The following PAQR3 variants were observed in gnomAD, a reference collection of about 807,000 sequenced individuals.
PAQR3 encodes the protein Raf kinase trapping to Golgi.
PAQR3 carries 39 observed loss-of-function variants against 41.7 expected under a neutral mutation model. The observed-to-expected ratio is 0.93, with a 90% CI of 0.72 to 1.22. PAQR3 has a LOEUF of 1.22. Ranked by LOEUF, PAQR3 falls within the 50% of genes most tolerant of loss-of-function variation. The pLI is 0.00. For synonymous variants in PAQR3, 140 were observed against 140.6 expected, an observed-to-expected ratio of 1.00 and a Z score of 0.03; for missense variants, 366 against 385.6, an observed-to-expected ratio of 0.95 and a Z score of 0.42.
chr4:78,921,369 T>G (rs1696979095), intron 5 of PAQR3, among the ~76,000 whole-genome samples: 1 of 151,962 alleles, frequency 6.6e-6, no homozygotes, highest in South Asian at 2.1e-4. Context: ...ATAATTTCAA[T>G]GTAAATAACA....
chr4:78,897,944 A>G (rs1733789924), intron 11 of PAQR3, among the ~76,000 whole-genome samples: 1 of 152,188 alleles, frequency 6.6e-6, no homozygotes, highest in South Asian at 2.1e-4. Flanking sequence ...ACAATAGATA[A>G]ATTATTCTGT....
chr4:78,925,679 A>T (rs973233305), intron 4 of PAQR3, among the ~76,000 whole-genome samples: 8 of 152,108 alleles, frequency 5.3e-5, no homozygotes, highest in African/African-American at 1.9e-4. Context: ...CCCCCTTTAA[A>T]GTCACACATT....
intron 2 of PAQR3, 149 bp downstream of exon 2, chr4:78,934,972 G>A (rs1202835478): frequency 7.8e-6 from 5 of 644,614 alleles, no homozygotes; most frequent in African/African-American, 7.2e-5. Context: ...ACATCGTTTG[G>A]TGTTTATGTT....
intron 11 of PAQR3, among the ~76,000 whole-genome samples, chr4:78,901,446 G>A (rs1560554494): frequency 6.6e-6 from 1 of 152,154 alleles, no homozygotes; most frequent in Non-Finnish European, 1.5e-5. Context: ...AGTTATGCTA[G>A]TTTTCTCTTA....
intron 4 of PAQR3, among the ~76,000 whole-genome samples, 157 bp from the exon 5 acceptor site, chr4:78,924,104 C>A (rs1025803134): frequency 3.3e-5 from 5 of 152,082 alleles, no homozygotes; most frequent in African/African-American, 7.2e-5. Context: ...CAGGAAGCAG[C>A]CTGCAAGAAT....
Position 78,912,877 on chromosome 4 carries a change from C to T in PAQR3, c.*7662G>A, listed in dbSNP as rs1318877720. On this transcript the variant is annotated 3_prime_UTR_variant, in exon 6 of 6. Transcript: ENST00000512733. ...AGAAAAAAAGATACAGAACAGAAAA[C>T]ATTCACTACTTTAGAAACACTTTAT... 6.6e-6 allele frequency: 1 copy of T among 152,078 alleles called. No homozygotes were observed. The highest frequency in any genetic ancestry group is 2.4e-5 in the African/African-American group (1 of 41,428). 9.4% of individuals were successfully genotyped at this position (152,078 alleles called of 1,614,324 possible). A position where few individuals can be genotyped will look rare whatever the true frequency, so the allele number is the denominator to read the frequency against.
At chr4:78,937,634 A>T (rs1362384054) in intron 1 of PAQR3, among the ~76,000 whole-genome samples, 1 of 152,236 alleles carries the variant, frequency 6.6e-6, no homozygotes, top group Non-Finnish European at 1.5e-5. Context: ...TACCTCTGGA[A>T]GCAGATACTG....
chr4:78,900,458 A>G (rs1733940036), intron 11 of PAQR3, among the ~76,000 whole-genome samples: 1 of 152,216 alleles, frequency 6.6e-6, no homozygotes, highest in African/African-American at 2.4e-5. Flanking sequence ...AGTATTCTGG[A>G]GAGATAAAGT....
intron 11 of PAQR3, among the ~76,000 whole-genome samples, chr4:78,898,027 A>G (rs997627625): frequency 6.6e-6 from 1 of 152,222 alleles, no homozygotes; most frequent in Non-Finnish European, 1.5e-5. Flanking sequence ...TTCATGAGAA[A>G]GATGTTACTT....
Position 78,918,100 on chromosome 4 carries a change from T to C in PAQR3, c.*2439A>G, listed in dbSNP as rs1735267525. 1.0e-6 allele frequency: 1 copy of C among 973,868 alleles called. No individual in the cohort carries two copies. The highest frequency in any genetic ancestry group is 1.2e-6 in the Non-Finnish European group (1 of 819,152). The allele number at this position is 973,868 out of a possible 1,614,324, so 60.3% of individuals were successfully genotyped here. ...TTCTTAAATGAGTTAACCACAACCATATAAATTGCTAGACAATTTAAAACA... is the reference window on the plus strand; with the variant it reads ...TTCTTAAATGAGTTAACCACAACCACATAAATTGCTAGACAATTTAAAACA... On this transcript the variant is annotated 3_prime_UTR_variant, in exon 6 of 6. Coordinates refer to ENST00000512733, the MANE Select transcript of PAQR3 (RefSeq NM_001040202.2).
intron 11 of PAQR3, among the ~76,000 whole-genome samples, chr4:78,904,107 A>G (rs1734161400): frequency 1.3e-5 from 2 of 151,994 alleles, no homozygotes; most frequent in East Asian, 3.8e-4. Flanking sequence ...GTGCAAAGAG[A>G]TAAGAGAAAG....
rs77857328 is a variant in PAQR3 at position 78,905,812 on chromosome 4, AT to A, written c.*836+295del. Among the ~76,000 whole-genome samples, 109 of 149,780 alleles carry A rather than the reference AT, an allele frequency of 7.3e-4. 3 individuals are homozygous for A. The East Asian group carries it at 0.017, about 24-fold the overall frequency. On this transcript the variant is annotated intron_variant and NMD_transcript_variant, in intron 11 of 12. Coordinates refer to the PAQR3 transcript ENST00000342820. Reference sequence around the variant, plus strand: ...GACACAAATAGTGGGAAGATCTGAAATTTTTTTTTTTAAATTATAGGAATAT... The same window carrying A: ...GACACAAATAGTGGGAAGATCTGAAATTTTTTTTTTAAATTATAGGAATAT...
downstream of PAQR3, among the ~76,000 whole-genome samples, chr4:78,910,262 C>G (rs1411663221): frequency 6.6e-6 from 1 of 152,142 alleles, no homozygotes; most frequent in Non-Finnish European, 1.5e-5. Context: ...GAAATCTGAG[C>G]TTTCAGAATT....
intron 4 of PAQR3, among the ~76,000 whole-genome samples, chr4:78,924,718 T>G (rs1036085039): frequency 6.7e-6 from 1 of 149,452 alleles, no homozygotes; most frequent in South Asian, 2.1e-4. Context: ...TACAGTTGTT[T>G]TTTTTTTTTT....
chr4:78,936,318 C>T (rs890129744), intron 1 of PAQR3, among the ~76,000 whole-genome samples: 1 of 152,232 alleles, frequency 6.6e-6, no homozygotes, highest in African/African-American at 2.4e-5. Flanking sequence ...TTGGTCTTCA[C>T]TGATTCAGAA....
At chr4:78,907,966 C>T (rs188591303), downstream of PAQR3, among the ~76,000 whole-genome samples, 94 of 152,254 alleles carry the variant, frequency 6.2e-4, no homozygotes, top group African/African-American at 2.1e-3. Flanking sequence ...ATTTTATTTT[C>T]ATTTTTCCCT....
downstream of PAQR3, chr4:78,911,637 A>G: frequency 6.2e-7 from 1 of 1,614,004 alleles, no homozygotes; most frequent in Admixed American, 1.7e-5. Flanking sequence ...GAGACTCTCA[A>G]AGTAGCAATG....
In PAQR3 at chr4:78,914,597, T is replaced by C. The variant is rs569805135; in HGVS notation, c.*5942A>G. ...TTATGAGAATAAAGCTCCCAAGATA[T>C]GTGAAAGTGCTTAACACAGTACCTG... On this transcript the variant is annotated 3_prime_UTR_variant, in exon 6 of 6. Coordinates refer to ENST00000512733, the MANE Select transcript of PAQR3 (RefSeq NM_001040202.2). 2 of 152,080 alleles carry C rather than the reference T, an allele frequency of 1.3e-5. No homozygotes were observed. The highest frequency in any genetic ancestry group is 2.1e-4 in the South Asian group (1 of 4,826). The allele number at this position is 152,080 out of a possible 1,614,324, so 9.4% of individuals were successfully genotyped here.
At position 78,916,626 on chromosome 4, in the gene PAQR3, A is replaced by C. The variant is rs1396357446; in HGVS notation, c.*3913T>G. On this transcript the variant is annotated 3_prime_UTR_variant, in exon 6 of 6. Transcript: ENST00000512733. ...ACGACTTTTTCAGTGAGTCATAATT[A>C]CTGATACTCGAGTGATGACAGTAAG... The C allele has an allele frequency of 6.6e-6, 1 of 151,954 alleles. No homozygotes were observed. The highest frequency in any genetic ancestry group is 2.4e-5 in the African/African-American group (1 of 41,442). 9.4% of individuals were successfully genotyped at this position (151,954 alleles called of 1,614,324 possible).
Sources: gnomAD v4.1 joint callset for allele counts (sites outside exome capture counted in the v4.1 genomes callset) on GRCh38, gnomAD v4.1.1 for gene constraint, MANE v1.5 for transcripts, NCBI Gene and HGNC (gene_info 2026-07-23, HGNC 2026-07-21) for gene names.